Variants in PLEKHM3 observed in about 807,000 individuals in gnomAD.
The protein encoded by PLEKHM3 is pleckstrin homology domain-containing family M member 3.
Under a neutral mutation model 81.8 loss-of-function variants are expected in PLEKHM3, and 45 were observed. That is an observed-to-expected ratio of 0.55 (90% CI 0.43 to 0.71). The LOEUF is 0.71. Among genes scored for constraint, PLEKHM3 ranks in the 30% least tolerant of loss-of-function variants. The pLI is 0.00. For missense variants in PLEKHM3, 788 were observed against 924.3 expected, an observed-to-expected ratio of 0.85 and a Z score of 1.91; for synonymous variants, 352 against 356.4, an observed-to-expected ratio of 0.99 and a Z score of 0.14.
intron 5 of PLEKHM3, among the ~76,000 whole-genome samples, chr2:207,910,877 G>A (rs1297211436): frequency 6.6e-6 from 1 of 152,126 alleles, no homozygotes; most frequent in Non-Finnish European, 1.5e-5. Flanking sequence ...GTAGATACCA[G>A]AGACTTTTTG....
At chr2:207,923,905 ATTTTTTT>A (rs869041855) in intron 5 of PLEKHM3, among the ~76,000 whole-genome samples, 4 of 28,338 alleles carry the variant, frequency 1.4e-4, no homozygotes, top group Admixed American at 7.7e-4. Flanking sequence ...ATATATATAT[ATTTTTTT>A]TTTTTTTTTT....
At chr2:207,986,706 T>C (rs1201601664) in intron 2 of PLEKHM3, among the ~76,000 whole-genome samples, 2 of 151,476 alleles carry the variant, frequency 1.3e-5, no homozygotes, top group African/African-American at 2.4e-5. Context: ...GGTCTTGCTC[T>C]GTTGACCAAG....
intron 6 of PLEKHM3, among the ~76,000 whole-genome samples, chr2:207,904,148 T>C (rs1216990623): frequency 1.3e-5 from 2 of 152,202 alleles, no homozygotes; most frequent in African/African-American, 4.8e-5. Flanking sequence ...AAAGCCACCA[T>C]GCATTCATAC....
At chr2:207,900,979 G>C (rs1420373986) in intron 6 of PLEKHM3, 4 of 420,402 alleles carry the variant, frequency 9.5e-6, no homozygotes, top group African/African-American at 2.0e-5. Flanking sequence ...TCAGATGACT[G>C]CATGCCAAGG....
At chr2:207,956,045 T>C (rs1032727365) in intron 3 of PLEKHM3, among the ~76,000 whole-genome samples, 11 of 152,156 alleles carry the variant, frequency 7.2e-5, no homozygotes, top group Non-Finnish European at 7.3e-5. Context: ...CGTTCATTCA[T>C]AAAGGCTCAA....
At chr2:207,999,969 A>G (rs983348547) in intron 2 of PLEKHM3, among the ~76,000 whole-genome samples, 7 of 152,364 alleles carry the variant, frequency 4.6e-5, no homozygotes, top group African/African-American at 1.7e-4. Context: ...TCTACATTAA[A>G]GGATGAGTAG....
At chr2:207,964,960 A>G (rs1412848082) in intron 3 of PLEKHM3, among the ~76,000 whole-genome samples, 4 of 152,196 alleles carry the variant, frequency 2.6e-5, no homozygotes, top group Non-Finnish European at 5.9e-5. Flanking sequence ...TGCAAGAAAT[A>G]AGTTGGTACT....
intron 7 of PLEKHM3, among the ~76,000 whole-genome samples, chr2:207,835,621 G>A (rs1039690346): frequency 1.3e-5 from 2 of 152,150 alleles, no homozygotes; most frequent in Non-Finnish European, 2.9e-5. Flanking sequence ...TGCATGAGAT[G>A]AACCTTAAGA....
At chr2:207,905,132 A>C (rs1688560124) in intron 6 of PLEKHM3, among the ~76,000 whole-genome samples, 1 of 152,216 alleles carries the variant, frequency 6.6e-6, no homozygotes, top group African/African-American at 2.4e-5. Flanking sequence ...TTTAAGAAGA[A>C]TATCTGCATT....
rs143702865 is a variant in PLEKHM3 at position 207,916,824 on chromosome 2, T to C, written c.1887-8247A>G. ...CATCTCAGAATAAGAGAAAACATCC[T>C]GGCTTTTTGAAAGATCTCTGAGTAA... On this transcript the variant is annotated intron_variant, in intron 5 of 7. Transcript: ENST00000427836. 1.1e-3 allele frequency among the ~76,000 whole-genome samples: 170 copies of C among 152,306 alleles called. 2 individuals are homozygous for C. The South Asian group carries it at 0.023, about 20-fold the overall frequency.
At position 207,946,499 on chromosome 2, in the gene PLEKHM3, G is replaced by A. The variant is rs758732357; in HGVS notation, c.1560C>T (p.Ser520=). 2 of 1,613,994 alleles carry A rather than the reference G, an allele frequency of 1.2e-6. No individual in the cohort carries two copies. The highest frequency in any genetic ancestry group is 2.2e-5 in the South Asian group (2 of 91,032). Residue 520 remains serine, a synonymous_variant, in exon 4 of 8, where the codon TCC becomes TCT. Coordinates refer to ENST00000427836, the MANE Select transcript of PLEKHM3 (RefSeq NM_001080475.3). ...QSFKCAGCQR[S]IGLSNGKAKV... ...TGGCTTTCCCATTGGAAAGACCTAT[G>A]GATCGCTGGCAGCCTGTTCAAGGAA...
chr2:207,845,319 A>G (rs1019484097), intron 7 of PLEKHM3, among the ~76,000 whole-genome samples: 1 of 152,260 alleles, frequency 6.6e-6, no homozygotes. Context: ...GTAATTCTAA[A>G]GCATAAAACA....
chr2:207,921,951 G>C (rs369514499), intron 5 of PLEKHM3, among the ~76,000 whole-genome samples: 1 of 152,156 alleles, frequency 6.6e-6, no homozygotes, highest in Non-Finnish European at 1.5e-5. Context: ...AATAAGGGGA[G>C]CAGATATCCA....
chr2:208,004,056 T>TG (rs1408269746), intron 1 of PLEKHM3, among the ~76,000 whole-genome samples: 1 of 151,922 alleles, frequency 6.6e-6, no homozygotes, highest in Non-Finnish European at 1.5e-5. Context: ...CTCTTTTTTT[T>TG]TTGATTTATC....
At chr2:207,888,863 G>A (rs546884929) in intron 6 of PLEKHM3, among the ~76,000 whole-genome samples, 3 of 152,248 alleles carry the variant, frequency 2.0e-5, no homozygotes, top group Admixed American at 6.5e-5. Flanking sequence ...ATAAACTCAG[G>A]GGCAATGCTA....
chr2:207,976,579 T>C lies in PLEKHM3; in HGVS notation c.1546+72A>G, dbSNP rs1691315387. On this transcript the variant is annotated intron_variant, in intron 3 of 7. Transcript: ENST00000427836. This position sits in a 1 kb window ranked among gnomAD's most constrained non-coding sequence, Gnocchi z 4.1. ...TGTGACTAGCCTATTAAGGGGATTT[T>C]TAAAGTGAATTCCAATTGTGGGGTT... 1 of 1,444,186 alleles carries C rather than the reference T, an allele frequency of 6.9e-7. No homozygotes were observed. Among genetic ancestry groups the C allele is most frequent in the African/African-American group, 1.4e-5 (1 of 70,282 alleles). The allele number at this position is 1,444,186 out of a possible 1,614,324, so 89.5% of individuals were successfully genotyped here.
rs199619904 is a variant in PLEKHM3, at chr2:207,828,546, C to T, written c.2109-50G>A. 9.5e-5 allele frequency: 150 copies of T among 1,571,042 alleles called. No individual in the cohort carries two copies. In the African/African-American group the frequency reaches 1.9e-3, roughly 20 times the overall value. ...ATGAGCAAGACTGAAGCCAGCAAGA[C>T]ACAAATGGGAAGCCCTGTGGCCTCA... On this transcript the variant is annotated intron_variant, in intron 7 of 7. Transcript: ENST00000427836.
intron 6 of PLEKHM3, chr2:207,900,720 A>C (rs1355670525): frequency 6.6e-6 from 1 of 152,384 alleles, no homozygotes; most frequent in African/African-American, 2.4e-5. Context: ...AATGATTGGC[A>C]CACAGAAAGC....
intron 7 of PLEKHM3, among the ~76,000 whole-genome samples, chr2:207,847,953 C>G (rs757944607): frequency 6.6e-6 from 1 of 152,204 alleles, no homozygotes; most frequent in Non-Finnish European, 1.5e-5. Flanking sequence ...GACTGCCAAG[C>G]GCAGCCCACA....
Sources: gnomAD v4.1 joint callset for allele counts (sites outside exome capture counted in the v4.1 genomes callset) on GRCh38, gnomAD v4.1.1 for gene constraint, Gnocchi (gnomAD v3.1) non-coding constraint, MANE v1.5 for transcripts, NCBI Gene and HGNC (gene_info 2026-07-23, HGNC 2026-07-21) for gene names.